Variants in ATXN1 observed in about 807,000 individuals in gnomAD.
ATXN1 encodes ataxin 1, also known as ataxin-1.
ATXN1 carries 8 observed loss-of-function variants against 56.4 expected under a neutral mutation model. The ratio of observed to expected loss-of-function variants is 0.14; its 90% CI spans 0.08 to 0.26. ATXN1 has a LOEUF of 0.26. Ranked by LOEUF, ATXN1 falls within the 10% of genes least tolerant of loss-of-function variation. ATXN1 has a pLI of 1.00. For missense variants in ATXN1, 987 were observed against 1,106.5 expected (o/e 0.89, Z 1.53); for synonymous variants, 514 against 494.6 (o/e 1.04, Z -0.52).
At chr6:16,743,554 T>C (rs1029943170) in intron 2 of ATXN1, among the ~76,000 whole-genome samples, 1 of 152,192 alleles carries the variant, frequency 6.6e-6, no homozygotes, top group Non-Finnish European at 1.5e-5. Context: ...CCCGTATGTA[T>C]TGCCCATTCA....
intron 3 of ATXN1, among the ~76,000 whole-genome samples, chr6:16,635,410 T>C (rs6899788): frequency 0.21 from 32,238 of 152,142 alleles, 6,968 homozygotes; most frequent in African/African-American, 0.56. Flanking sequence ...CACCCTAGTC[T>C]GTGGAAAAAC....
chr6:16,704,163 G>A (rs898250490), intron 2 of ATXN1, among the ~76,000 whole-genome samples: 2 of 152,218 alleles, frequency 1.3e-5, no homozygotes, highest in Non-Finnish European at 2.9e-5. Context: ...TTTTGGAGGT[G>A]CGCACTGAGT....
intron 5 of ATXN1, among the ~76,000 whole-genome samples, chr6:16,495,522 T>C (rs1760761747): frequency 6.6e-6 from 1 of 152,220 alleles, no homozygotes; most frequent in African/African-American, 2.4e-5. Flanking sequence ...ACTACTACCA[T>C]GCAAAATTGC....
intron 6 of ATXN1, among the ~76,000 whole-genome samples, chr6:16,339,485 T>G (rs1285386278): frequency 6.6e-6 from 1 of 152,092 alleles, no homozygotes; most frequent in African/African-American, 2.4e-5. Context: ...ACTGCACAAT[T>G]CAATGCTCTC....
At chr6:16,335,240 G>A (rs538709737) in intron 6 of ATXN1, among the ~76,000 whole-genome samples, 9 of 152,346 alleles carry the variant, frequency 5.9e-5, no homozygotes, top group East Asian at 3.9e-4. Context: ...CTATCTAAGC[G>A]TGGAGCTTCA....
chr6:16,717,177 G>A (rs985304205), intron 2 of ATXN1, among the ~76,000 whole-genome samples: 5 of 152,244 alleles, frequency 3.3e-5, no homozygotes, highest in South Asian at 2.1e-4. Flanking sequence ...TCAAAAGGGC[G>A]CCAGGGCTGG....
intron 6 of ATXN1, among the ~76,000 whole-genome samples, chr6:16,360,007 TCAC>T (rs1325351847): frequency 1.3e-5 from 2 of 151,592 alleles, no homozygotes; most frequent in Non-Finnish European, 2.9e-5. Context: ...ATCTCAGAAA[TCAC>T]CACCGAAGAA....
intron 4 of ATXN1, among the ~76,000 whole-genome samples, chr6:16,534,842 A>AT (rs1761568263): frequency 1.3e-5 from 2 of 152,212 alleles, no homozygotes; most frequent in Non-Finnish European, 2.9e-5. Context: ...CTGCTCTTGT[A>AT]TAAACAGCTT....
chr6:16,508,443 T>C (rs975254767), intron 5 of ATXN1, among the ~76,000 whole-genome samples: 1 of 152,138 alleles, frequency 6.6e-6, no homozygotes, highest in Non-Finnish European at 1.5e-5. Context: ...AAAAAATTCA[T>C]TGAAAGGATA....
chr6:16,688,320 C>T (rs908696560), intron 2 of ATXN1, among the ~76,000 whole-genome samples: 1 of 152,174 alleles, frequency 6.6e-6, no homozygotes, highest in African/African-American at 2.4e-5. Context: ...AGAAAACACA[C>T]TTGATATAAG....
chr6:16,676,975 T>C (rs576952040), intron 2 of ATXN1, among the ~76,000 whole-genome samples: 1 of 152,286 alleles, frequency 6.6e-6, no homozygotes, highest in East Asian at 1.9e-4. Context: ...GATCTAGGCG[T>C]TTGTCTCATT....
intron 4 of ATXN1, among the ~76,000 whole-genome samples, chr6:16,524,636 C>T (rs1217383506): frequency 3.3e-5 from 5 of 152,104 alleles, no homozygotes; most frequent in South Asian, 2.1e-4. Flanking sequence ...TTTAGTGTGG[C>T]GCTTGGTACA....
chr6:16,671,839 T>C (rs1758547488), intron 2 of ATXN1, among the ~76,000 whole-genome samples: 1 of 152,238 alleles, frequency 6.6e-6, no homozygotes, highest in African/African-American at 2.4e-5. Context: ...TTCCCTGACA[T>C]GTAACTGAAA....
chr6:16,578,265 T>C (rs988217716), intron 4 of ATXN1, among the ~76,000 whole-genome samples: 4 of 152,220 alleles, frequency 2.6e-5, no homozygotes, highest in African/African-American at 9.6e-5. Flanking sequence ...TTGAGAGATA[T>C]GATGTTCCAT....
intron 3 of ATXN1, among the ~76,000 whole-genome samples, chr6:16,610,140 T>G (rs1454795411): frequency 6.6e-6 from 1 of 151,940 alleles, no homozygotes; most frequent in Non-Finnish European, 1.5e-5. Flanking sequence ...GGAGACAAAG[T>G]AGGAAGCCAA....
At chr6:16,381,785 A>C (rs1758132136) in intron 6 of ATXN1, among the ~76,000 whole-genome samples, 1 of 152,218 alleles carries the variant, frequency 6.6e-6, no homozygotes, top group Admixed American at 6.5e-5. Flanking sequence ...ACATTACAGC[A>C]GACTCCACTA....
intron 2 of ATXN1, among the ~76,000 whole-genome samples, chr6:16,742,401 T>C (rs1760370191): frequency 6.6e-6 from 1 of 152,098 alleles, no homozygotes; most frequent in East Asian, 1.9e-4. Context: ...GGAAGAATAA[T>C]CAAAACAAAA....
intron 2 of ATXN1, among the ~76,000 whole-genome samples, chr6:16,750,830 A>G (rs1325966330): frequency 6.6e-6 from 1 of 152,136 alleles, no homozygotes; most frequent in Admixed American, 6.5e-5. Flanking sequence ...CGTGTACTCA[A>G]CCCATTTGCA....
At chr6:16,376,376 G>A (rs1581722755) in intron 6 of ATXN1, among the ~76,000 whole-genome samples, 1 of 152,210 alleles carries the variant, frequency 6.6e-6, no homozygotes, top group East Asian at 1.9e-4. Context: ...GGTGTGTGGG[G>A]ATTGTATTTT....
Sources: gnomAD v4.1 joint callset for allele counts (sites outside exome capture counted in the v4.1 genomes callset) on GRCh38, gnomAD v4.1.1 for gene constraint, MANE v1.5 for transcripts, NCBI Gene and HGNC (gene_info 2026-07-23, HGNC 2026-07-21) for gene names.